Variants in LMNB2 observed in about 807,000 individuals in gnomAD.
LMNB2 encodes the protein lamin-B2.
LMNB2 carries 17 observed loss-of-function variants against 69.3 expected under a neutral mutation model. The observed-to-expected ratio is 0.25, with a 90% CI of 0.17 to 0.37. The LOEUF is 0.37. LMNB2 is among the 10% of genes least tolerant of loss of function. The pLI is 1.00. For missense variants in LMNB2, 789 were observed against 883.6 expected, an observed-to-expected ratio of 0.89 and a Z score of 1.36; for synonymous variants, 397 against 389.3, an observed-to-expected ratio of 1.02 and a Z score of -0.23.
chr19:2,444,145 T>C (rs1971927969), intron 2 of LMNB2, among the ~76,000 whole-genome samples: 2 of 152,206 alleles, frequency 1.3e-5, no homozygotes, highest in Admixed American at 6.5e-5. Flanking sequence ...AAGCCCTCTC[T>C]GGGGAGGCTC....
rs976921608 is a variant in LMNB2 at position 2,453,723 on chromosome 19, C to T, written c.264+2947G>A. ...CCGAGAGGTGGCTGGGCCAGGCTCC[C>T]TCTAGGGCACAGGGCCGGTCCAATG... On this transcript the variant is annotated intron_variant, in intron 1 of 11. Transcript: ENST00000325327. The surrounding 1 kb of genome is among the most constrained non-coding windows in gnomAD (Gnocchi z 4.4). 1.3e-5 allele frequency among the ~76,000 whole-genome samples: 2 copies of T among 152,136 alleles called. No homozygotes were observed. Among genetic ancestry groups the T allele is most frequent in the Admixed American group, 6.5e-5 (1 of 15,270 alleles).
chr19:2,433,810 C>T lies in LMNB2; in HGVS notation c.1482+16G>A, dbSNP rs183380570. 156 of 1,613,052 alleles carry T rather than the reference C, an allele frequency of 9.7e-5. 2 individuals are homozygous for T. The highest frequency in any genetic ancestry group is 8.0e-4 in the African/African-American group (60 of 74,926). On this transcript the variant is annotated intron_variant, in intron 8 of 11. Transcript: ENST00000325327. The stretch of plus-strand genomic sequence containing the variant: ...GGGTCACCCCGTTACCCCCATGCCC[C>T]GGTCTTTCCGGTCACCTTGTCCGAG...
At chr19:2,431,079 CCTTCCATTCCA>C in intron 11 of LMNB2, 127 bp from the exon 12 acceptor site, 2 of 719,014 alleles carry the variant, frequency 2.8e-6, no homozygotes, top group Non-Finnish European at 2.6e-6. Flanking sequence ...ATTTCTAGAG[CCTTCCATTCCA>C]CTTCCATGTC....
In LMNB2 at chr19:2,435,049, C is replaced by G. The variant is rs369384125; in HGVS notation, c.807G>C (p.Glu269Asp). 1.3e-5 allele frequency: 21 copies of G among 1,609,388 alleles called. No individual in the cohort carries two copies. In the East Asian group the frequency reaches 4.2e-4, roughly 33 times the overall value. Residue 269 changes from glutamate to aspartate, a missense_variant, in exon 5 of 12, where the codon GAG becomes GAC. Glu to Asp is a conservative substitution (Grantham distance 45). Coordinates refer to ENST00000325327, the MANE Select transcript of LMNB2 (RefSeq NM_032737.4). The stretch of plus-strand genomic sequence containing the variant: ...GCTCCAGCTTGTAGAGCCGCACTTG[C>G]TCGTCGTGCTGGCTCCGCAGCTCCT... ...ALEELRSQHD[E>D]QVRLYKLELE... is the part of the protein sequence containing the mutation.
chr19:2,430,874 C>A lies in LMNB2; in HGVS notation c.*37G>T, dbSNP rs761890556. On this transcript the variant is annotated 3_prime_UTR_variant, in exon 12 of 12. Transcript: ENST00000325327. The stretch of plus-strand genomic sequence containing the variant: ...GATATAAAAATAGTTTTCAGTGGCT[C>A]TGGGTAAAGAAAGGTGTGTGGATGA... 14 of 1,374,324 alleles carry A rather than the reference C, an allele frequency of 1.0e-5. No homozygotes were observed. The allele number at this position is 1,374,324 out of a possible 1,614,324, so 85.1% of individuals were successfully genotyped here.
At position 2,456,716 on chromosome 19, in the gene LMNB2, C is replaced by G. The variant is rs1327659677; in HGVS notation, c.218G>C (p.Arg73Pro). 1.9e-6 allele frequency: 3 copies of G among 1,564,378 alleles called. No individual in the cohort carries two copies. Among genetic ancestry groups the G allele is most frequent in the Non-Finnish European group, 2.6e-6 (3 of 1,155,854 alleles). Residue 73 changes from arginine (R) to proline (P), a missense_variant, in exon 1 of 12, where the codon CGG becomes CCG. By Grantham distance (103) the Arg-to-Pro change is moderately radical (BLOSUM62 -2). This residue lies in a region of LMNB2 where 145 missense variants were observed against 228.9 expected (regional missense o/e 0.63). Transcript: ENST00000325327. ...CTTCTCTGAGATCTTGAGCAGGAGC[C>G]GGTCGTTCTCCAGCTCCAGCGCGCG... ...RVRALELEND[R>P]LLLKISEKEE...
intron 9 of LMNB2, among the ~76,000 whole-genome samples, chr19:2,432,161 G>C (rs1484580154): frequency 6.6e-6 from 1 of 152,108 alleles, no homozygotes. Context: ...GCGCCTGACT[G>C]TTAACACTTC....
rs1971781852 is a variant in LMNB2, at chr19:2,433,880, G to A, written c.1428C>T (p.Ile476=). 5 of 1,613,234 alleles carry A rather than the reference G, an allele frequency of 3.1e-6. No homozygotes were observed. Among genetic ancestry groups the A allele is most frequent in the African/African-American group, 1.3e-5 (1 of 75,022 alleles). ...QQASASGSVS[I]EEIDLEGKFV... ...ACTTGCCCTCCAGGTCGATCTCCTC[G>A]ATGCTGACGCTACCCGAGGCCGAGG... Residue 476 remains isoleucine, a synonymous_variant, in exon 8 of 12, where the codon ATC becomes ATT. Coordinates refer to ENST00000325327, the MANE Select transcript of LMNB2 (RefSeq NM_032737.4).
Position 2,438,520 on chromosome 19 carries a change from CTCT to C in LMNB2, c.410_412del (p.Lys137del), listed in dbSNP as rs1971855485. 6.2e-7 allele frequency: 1 copy of C among 1,608,388 alleles called. No individual in the cohort carries two copies. The highest frequency in any genetic ancestry group is 1.3e-5 in the African/African-American group (1 of 74,818). On this transcript the variant is annotated inframe_deletion, in exon 3 of 12. Transcript: ENST00000325327. ...CTGGGCCACCGTAAGCTCGCCCTCC[CTCT>C]TCTTGGCGCTGAAAGTCAAGAGGGC...
chr19:2,454,292 C>CAAA (rs58800585), intron 1 of LMNB2, among the ~76,000 whole-genome samples: 1,318 of 80,908 alleles, frequency 0.016, 39 homozygotes, highest in African/African-American at 0.056. Flanking sequence ...GACTCTATCT[C>CAAA]AAAAAAAAAA....
chr19:2,453,573 C>T lies in LMNB2; in HGVS notation c.264+3097G>A, dbSNP rs1482884593. Among the ~76,000 whole-genome samples the T allele has an allele frequency of 4.6e-5, 7 of 152,168 alleles. No individual in the cohort carries two copies. Among genetic ancestry groups the T allele is most frequent in the Non-Finnish European group, 7.3e-5 (5 of 68,034 alleles). On this transcript the variant is annotated intron_variant, in intron 1 of 11. Transcript: ENST00000325327. This position sits in a 1 kb window ranked among gnomAD's most constrained non-coding sequence, Gnocchi z 4.4. ...TCCCCTGCCACATGCCCTGCAGACA[C>T]GGCTGGGTGACAGGGCTCACGGAGG...
intron 6 of LMNB2, 77 bp downstream of exon 6, chr19:2,434,711 C>T: frequency 6.5e-7 from 1 of 1,537,964 alleles, no homozygotes; most frequent in East Asian, 2.4e-5. Context: ...AGGCCAGAGC[C>T]CCACGCCCCG....
chr19:2,436,821 C>G (rs185035458), intron 4 of LMNB2: 1 of 153,280 alleles, frequency 6.5e-6, no homozygotes, highest in African/African-American at 2.4e-5. Flanking sequence ...CACAGGCCTG[C>G]ATCATCAAGC....
At chr19:2,449,909 C>T (rs1972000722) in intron 1 of LMNB2, among the ~76,000 whole-genome samples, 1 of 151,820 alleles carries the variant, frequency 6.6e-6, no homozygotes, top group Non-Finnish European at 1.5e-5. Flanking sequence ...AACCCTGTCT[C>T]TACTAAAAAT....
At chr19:2,444,704 C>T (rs1262165488) in intron 1 of LMNB2, among the ~76,000 whole-genome samples, 164 bp from the exon 2 acceptor site, 2 of 152,232 alleles carry the variant, frequency 1.3e-5, no homozygotes, top group Non-Finnish European at 2.9e-5. Flanking sequence ...GCCCATCTCA[C>T]AGACACAGCA....
chr19:2,448,439 G>A (rs560272380), intron 1 of LMNB2, among the ~76,000 whole-genome samples: 20 of 152,290 alleles, frequency 1.3e-4, no homozygotes, highest in African/African-American at 4.1e-4. Context: ...CAAGATCAGC[G>A]CCGGGACACA....
chr19:2,440,009 G>A (rs1369863452), intron 2 of LMNB2, among the ~76,000 whole-genome samples: 1 of 151,958 alleles, frequency 6.6e-6, no homozygotes, highest in East Asian at 1.9e-4. Context: ...TGGGATTACA[G>A]GCGTGAACCA....
rs1433037603 is a variant in LMNB2 at position 2,443,337 on chromosome 19, G to A, written c.401+1067C>T. 6.6e-6 allele frequency among the ~76,000 whole-genome samples: 1 copy of A among 152,220 alleles called. No homozygotes were observed. Among genetic ancestry groups the A allele is most frequent in the Non-Finnish European group, 1.5e-5 (1 of 68,036 alleles). ...GGGAGCAGCGCCAGCCCAGGAAGGA[G>A]GAGGGCGTCGGATGGAGAGGTCACC... On this transcript the variant is annotated intron_variant, in intron 2 of 11. Coordinates refer to ENST00000325327, the MANE Select transcript of LMNB2 (RefSeq NM_032737.4). The surrounding 1 kb of genome is among the most constrained non-coding windows in gnomAD (Gnocchi z 6.2).
rs775896613 is a variant in LMNB2 at position 2,456,693 on chromosome 19, T to C, written c.241A>G (p.Lys81Glu). The change falls in exon 1 of 12, where the codon AAG (lysine) becomes GAG (glutamate). Residue 81 changes from lysine to glutamate, a missense_variant. Transcript: ENST00000325327. Reference sequence around the variant, plus strand: ...ACCTCGCGCGTGGTCACCTCCTCCTTCTCTGAGATCTTGAGCAGGAGCCGG... The same window carrying C: ...ACCTCGCGCGTGGTCACCTCCTCCTCCTCTGAGATCTTGAGCAGGAGCCGG... ...NDRLLLKISE[K>E]EEVTTREVSG... The C allele has an allele frequency of 2.8e-5, 43 of 1,554,646 alleles. No homozygotes were observed. Among genetic ancestry groups the C allele is most frequent in the Non-Finnish European group, 8.7e-7 (1 of 1,150,994 alleles).
Sources: gnomAD v4.1 joint callset for allele counts (sites outside exome capture counted in the v4.1 genomes callset) on GRCh38, gnomAD v4.1.1 for gene constraint, gnomAD v4.1.1 regional missense constraint, Gnocchi (gnomAD v3.1) non-coding constraint, MANE v1.5 for transcripts, NCBI Gene and HGNC (gene_info 2026-07-23, HGNC 2026-07-21) for gene names.